The following PPP2R3B variants were observed in gnomAD, a reference collection of about 807,000 sequenced individuals.
PPP2R3B encodes the protein serine/threonine-protein phosphatase 2A regulatory subunit B'' subunit beta.
In PPP2R3B, 68 loss-of-function variants were observed where a neutral mutation model predicts 72.9. The observed-to-expected ratio is 0.93, with a 90% CI of 0.77 to 1.14. The LOEUF (loss-of-function observed/expected upper bound fraction) is 1.14. Among genes scored for constraint, PPP2R3B ranks in the 50% most tolerant of loss-of-function variants. PPP2R3B has a pLI of 0.00. For missense variants in PPP2R3B, 1,018 were observed against 842.0 expected (o/e 1.21, Z -2.59); for synonymous variants, 466 against 375.8 (o/e 1.24, Z -2.78).
At chrX:341,018 A>AG in intron 9 of PPP2R3B, 78 bp from the exon 10 acceptor site, 2 of 1,539,024 alleles carry the variant, frequency 1.3e-6, no homozygotes, top group Non-Finnish European at 8.7e-7. Context: ...GGCAGCCCCC[A>AG]CCGGGGGTGC....
At chrX:361,850 G>A (rs1047216126) in intron 1 of PPP2R3B, among the ~76,000 whole-genome samples, 4 of 152,144 alleles carry the variant, frequency 2.6e-5, no homozygotes, top group South Asian at 2.1e-4. Flanking sequence ...CCATCACACC[G>A]AGCAGGGCCC....
intron 2 of PPP2R3B, among the ~76,000 whole-genome samples, chrX:360,404 C>T (rs1192881502): frequency 1.3e-5 from 2 of 152,148 alleles, no homozygotes; most frequent in Non-Finnish European, 2.9e-5. Context: ...CATGGTGGTG[C>T]ATGCCTATAG....
intron 2 of PPP2R3B, among the ~76,000 whole-genome samples, chrX:352,405 TC>T (rs1450729354): frequency 6.6e-6 from 1 of 152,136 alleles, no homozygotes; most frequent in Non-Finnish European, 1.5e-5. Context: ...CCAGGCCTCC[TC>T]CCCGTGGCTC....
intron 1 of PPP2R3B, among the ~76,000 whole-genome samples, chrX:379,007 C>T (rs2072058697): frequency 6.6e-6 from 1 of 151,950 alleles, no homozygotes; most frequent in Non-Finnish European, 1.5e-5. Context: ...GTTAAGATAA[C>T]CACACCTGTA....
intron 7 of PPP2R3B, chrX:342,290 G>A: frequency 4.9e-6 from 2 of 407,944 alleles, no homozygotes; most frequent in South Asian, 2.4e-5. Context: ...TCACCAACGG[G>A]AGACGGGAGT....
intron 9 of PPP2R3B, 62 bp downstream of exon 9, chrX:341,245 T>C (rs2071065355): frequency 7.0e-6 from 11 of 1,573,710 alleles, no homozygotes; most frequent in South Asian, 1.1e-5. Flanking sequence ...TGGGGACACA[T>C]GTCACATGGG....
intron 2 of PPP2R3B, among the ~76,000 whole-genome samples, chrX:357,141 T>TACAGCGACCGGAG (rs1691265324): frequency 6.6e-6 from 1 of 152,054 alleles, no homozygotes; most frequent in South Asian, 2.1e-4. Context: ...GAGGCAAAGC[T>TACAGCGACCGGAG]ACAGCGACCG....
chrX:358,249 C>A (rs761527989), intron 2 of PPP2R3B, among the ~76,000 whole-genome samples: 1 of 152,370 alleles, frequency 6.6e-6, no homozygotes, highest in African/African-American at 2.4e-5. Flanking sequence ...CCGAGACAGG[C>A]TCAGCAGCCT....
chrX:353,517 C>A (rs1226704638), intron 2 of PPP2R3B, among the ~76,000 whole-genome samples: 2 of 152,168 alleles, frequency 1.3e-5, no homozygotes, highest in Non-Finnish European at 2.9e-5. Context: ...AAAATAACAC[C>A]CATTCTAAAC....
chrX:360,675 T>C (rs2071520310), intron 2 of PPP2R3B, among the ~76,000 whole-genome samples: 1 of 152,138 alleles, frequency 6.6e-6, no homozygotes, highest in Non-Finnish European at 1.5e-5. Flanking sequence ...GGGCTCTGAC[T>C]TGGAGGGGTG....
intron 1 of PPP2R3B, among the ~76,000 whole-genome samples, chrX:371,490 G>A (rs1396574217): frequency 2.0e-5 from 3 of 152,112 alleles, no homozygotes; most frequent in Non-Finnish European, 2.9e-5. Flanking sequence ...GCACCCGCCA[G>A]GGGGTTAGTG....
At chrX:366,126 A>C (rs1489339239) in intron 1 of PPP2R3B, among the ~76,000 whole-genome samples, 2 of 2,962 alleles carry the variant, frequency 6.8e-4, no homozygotes, top group African/African-American at 4.6e-3. Context: ...TCGCTTCAAC[A>C]CAGGAGGCAG....
At chrX:376,372 G>A (rs906796924) in intron 1 of PPP2R3B, among the ~76,000 whole-genome samples, 7 of 152,194 alleles carry the variant, frequency 4.6e-5, no homozygotes, top group Non-Finnish European at 8.8e-5. Flanking sequence ...CCCGCCCCCA[G>A]TGCAGCCACA....
At chrX:358,590 C>G (rs2071480894) in intron 2 of PPP2R3B, among the ~76,000 whole-genome samples, 2 of 152,376 alleles carry the variant, frequency 1.3e-5, no homozygotes, top group East Asian at 3.9e-4. Flanking sequence ...AACGACAAAA[C>G]TTGCTTTTTA....
intron 12 of PPP2R3B, 37 bp downstream of exon 12, chrX:338,567 T>A: frequency 2.9e-6 from 4 of 1,393,882 alleles, no homozygotes; most frequent in Non-Finnish European, 3.9e-6. Flanking sequence ...GTCCTCCCAC[T>A]GACCCGTCCC....
chrX:340,430 G>A (rs1377572025), intron 10 of PPP2R3B, among the ~76,000 whole-genome samples: 1 of 150,832 alleles, frequency 6.6e-6, no homozygotes, highest in Non-Finnish European at 1.5e-5. Context: ...TCACAGGGAC[G>A]TCCCCTCACC....
intron 10 of PPP2R3B, among the ~76,000 whole-genome samples, 158 bp from the exon 11 acceptor site, chrX:339,054 G>T (rs2070979197): frequency 6.6e-6 from 1 of 152,138 alleles, no homozygotes; most frequent in South Asian, 2.1e-4. Context: ...ACACGCGAGT[G>T]TCCTGGTTCT....
chrX:386,311 C>A, intron 1 of PPP2R3B, 57 bp downstream of exon 1: 1 of 1,267,982 alleles, frequency 7.9e-7, no homozygotes. Context: ...CAGCCACACG[C>A]CCACTATGCG....
At position 383,679 on chromosome X, in the gene PPP2R3B, T is replaced by C. The variant is rs1489023063; in HGVS notation, c.324+2689A>G. ...GGTGAAACCCCGTCTCTACTAAAAA[T>C]ACAAAAAAATTAGCCGGGCGTGGTG... On this transcript the variant is annotated intron_variant, in intron 1 of 12. Coordinates refer to ENST00000390665, the MANE Select transcript of PPP2R3B (RefSeq NM_013239.5). Among the ~76,000 whole-genome samples the C allele has an allele frequency of 3.3e-5, 5 of 150,366 alleles. No individual in the cohort carries two copies. In the East Asian group the frequency reaches 9.8e-4, roughly 29 times the overall value.
Sources: allele counts gnomAD v4.1 joint callset (sites outside exome capture counted in the v4.1 genomes callset), GRCh38; gene constraint gnomAD v4.1.1; transcripts MANE v1.5; gene names NCBI Gene and HGNC (gene_info 2026-07-23, HGNC 2026-07-21).